The following DOCK7 variants were observed in gnomAD, a reference collection of about 807,000 sequenced individuals.
The protein encoded by DOCK7 is dedicator of cytokinesis protein 7.
DOCK7 carries 138 observed loss-of-function variants against 271.0 expected under a neutral mutation model. The ratio of observed to expected loss-of-function variants is 0.51; its 90% confidence interval spans 0.44 to 0.59. DOCK7 has a LOEUF of 0.59. Among genes scored for constraint, DOCK7 ranks in the 20% least tolerant of loss-of-function variants. DOCK7 has a pLI of 0.00. For missense variants in DOCK7, 2,066 were observed against 2,592.4 expected, an observed-to-expected ratio of 0.80 and a Z score of 4.41; for synonymous variants, 823 against 876.1, an observed-to-expected ratio of 0.94 and a Z score of 1.07.
At chr1:62,641,344 G>A in intron 7 of DOCK7, 1 of 405,708 alleles carries the variant, frequency 2.5e-6, no homozygotes, top group South Asian at 1.8e-5. Context: ...CAGGCTTCAG[G>A]CACACAACCT....
intron 36 of DOCK7, 39 bp downstream of exon 36, chr1:62,505,631 GTTAATAAAAAAA>G: frequency 6.4e-7 from 1 of 1,558,900 alleles, no homozygotes; most frequent in Non-Finnish European, 8.7e-7. Flanking sequence ...CTTAGACAAT[GTTAATAAAAAAA>G]ACAAAGTCTG....
chr1:62,485,034 T>G (rs1646252907), intron 43 of DOCK7: 1 of 533,796 alleles, frequency 1.9e-6, no homozygotes. Context: ...CTCGGGAGGC[T>G]GAGGTGGGAA....
chr1:62,553,949 A>G (rs56373325), intron 21 of DOCK7, among the ~76,000 whole-genome samples: 1 of 151,252 alleles, frequency 6.6e-6, no homozygotes, highest in Non-Finnish European at 1.5e-5. Flanking sequence ...CTTTTTTCCC[A>G]CCTCTCCTAC....
intron 1 of DOCK7, among the ~76,000 whole-genome samples, chr1:62,672,325 T>C (rs1660108002): frequency 6.6e-6 from 1 of 152,146 alleles, no homozygotes; most frequent in Non-Finnish European, 1.5e-5. Context: ...ACTAGCAACA[T>C]TTGTCAGGCA....
intron 10 of DOCK7, among the ~76,000 whole-genome samples, chr1:62,632,637 TTATCA>T (rs1654761071): frequency 6.6e-6 from 1 of 152,220 alleles, no homozygotes; most frequent in Non-Finnish European, 1.5e-5. Flanking sequence ...CTGAAATTTG[TTATCA>T]ATTATCCAAC....
chr1:62,482,492 G>A (rs1181923651), intron 43 of DOCK7: 1 of 152,282 alleles, frequency 6.6e-6, no homozygotes, highest in African/African-American at 2.4e-5. Flanking sequence ...TTACCACCAT[G>A]TCCGGCTAAT....
intron 22 of DOCK7, among the ~76,000 whole-genome samples, chr1:62,549,868 C>T (rs938660087): frequency 1.3e-5 from 2 of 152,142 alleles, no homozygotes; most frequent in Non-Finnish European, 2.9e-5. Flanking sequence ...CTCTCCATCT[C>T]CATGAGTTCA....
At chr1:62,598,692 C>T in intron 14 of DOCK7, 1 of 1,569,582 alleles carries the variant, frequency 6.4e-7, no homozygotes, top group Non-Finnish European at 8.8e-7. Context: ...CTCTCTATAT[C>T]CAGACTTTTG....
chr1:62,513,464 T>C lies in DOCK7; in HGVS notation c.4262A>G (p.Tyr1421Cys). ...CTCACCAGGAGGAGAAGCTATTGTGTACGTACCGAGCTGTCCTCGGCTTCG... is the reference window on the plus strand; with the variant it reads ...CTCACCAGGAGGAGAAGCTATTGTGCACGTACCGAGCTGTCCTCGGCTTCG... ...VRRSRGQLGT[Y>C]TIASPPERSP... Residue 1421 changes from tyrosine to cysteine, a missense_variant, in exon 33 of 50, where the codon TAC becomes TGC. By Grantham distance (194) the Tyr-to-Cys change is radical. Coordinates refer to ENST00000635253, the MANE Select transcript of DOCK7 (RefSeq NM_001367561.1). 1 of 1,608,274 alleles carries C rather than the reference T, an allele frequency of 6.2e-7. No individual in the cohort carries two copies. The highest frequency in any genetic ancestry group is 8.5e-7 in the Non-Finnish European group (1 of 1,178,546).
chr1:62,614,928 A>G (rs1184228071), intron 14 of DOCK7, among the ~76,000 whole-genome samples: 1 of 151,664 alleles, frequency 6.6e-6, no homozygotes, highest in Non-Finnish European at 1.5e-5. Context: ...CATTGACTGG[A>G]AAAAAAATGG....
chr1:62,553,338 ATATATATATATATATATTTTTTTTTT>A (rs1377901015), intron 21 of DOCK7, among the ~76,000 whole-genome samples: 8 of 5,038 alleles, frequency 1.6e-3, no homozygotes, highest in African/African-American at 3.5e-3. Flanking sequence ...ATATATATAT[ATATATATATATATATATTTTTTTTTT>A]TTTTTTTTTT....
In DOCK7 at chr1:62,580,126, G is replaced by A. The variant is rs369753338; in HGVS notation, c.1872-1160C>T. Among the ~76,000 whole-genome samples, 42 of 152,212 alleles carry A rather than the reference G, an allele frequency of 2.8e-4. No homozygotes were observed. The South Asian group carries it at 7.1e-3, about 26-fold the overall frequency. ...ATATTGCTCCAACTATCTTTAAAGC[G>A]AGGTCTGTCCCACCAATCAGGTTTT... is the stretch of plus-strand genomic sequence containing the variant. On this transcript the variant is annotated intron_variant, in intron 16 of 49. Coordinates refer to ENST00000635253, the MANE Select transcript of DOCK7 (RefSeq NM_001367561.1).
intron 8 of DOCK7, 65 bp from the exon 9 acceptor site, chr1:62,634,987 A>C (rs1655079006): frequency 1.8e-6 from 2 of 1,119,774 alleles, no homozygotes; most frequent in South Asian, 1.9e-5. Context: ...TTCTTAAAAG[A>C]AAGCTGCTTC....
chr1:62,525,146 C>G (rs1296217077), intron 31 of DOCK7, among the ~76,000 whole-genome samples: 1 of 151,024 alleles, frequency 6.6e-6, no homozygotes, highest in Non-Finnish European at 1.5e-5. Flanking sequence ...GCTGGGATTA[C>G]AGGCGCCCAC....
chr1:62,548,133 T>A (rs1231816164), intron 22 of DOCK7, among the ~76,000 whole-genome samples: 2 of 151,682 alleles, frequency 1.3e-5, no homozygotes, highest in African/African-American at 2.4e-5. Flanking sequence ...TTACACTCTG[T>A]TAAAGGGAGA....
chr1:62,619,782 G>A lies in DOCK7; in HGVS notation c.1519+118C>T, dbSNP rs541163260. The A allele has an allele frequency of 1.0e-4, 54 of 537,346 alleles. No homozygotes were observed. In the South Asian group the frequency reaches 1.6e-3, roughly 16 times the overall value. 33.3% of individuals were successfully genotyped at this position (537,346 alleles called of 1,614,324 possible). ...AAAGTGAAGAAGACTGACAGGCATT[G>A]GGCATAGAAAAATGTCTGGGCCAGA... On this transcript the variant is annotated intron_variant, in intron 13 of 49. Coordinates refer to ENST00000635253, the MANE Select transcript of DOCK7 (RefSeq NM_001367561.1).
chr1:62,605,305 G>A (rs1348305121), intron 14 of DOCK7: 1 of 152,930 alleles, frequency 6.5e-6, no homozygotes, highest in Non-Finnish European at 1.5e-5. Context: ...CACAGAGTAT[G>A]TGTAAAAATC....
In DOCK7 at chr1:62,513,788, T is replaced by C. The variant is rs1240083046; in HGVS notation, c.4047A>G (p.Thr1349=). 2 of 1,614,184 alleles carry C rather than the reference T, an allele frequency of 1.2e-6. No individual in the cohort carries two copies. The highest frequency in any genetic ancestry group is 1.7e-6 in the Non-Finnish European group (2 of 1,180,010). Reference sequence around the variant, plus strand: ...GGTTTAGCTGCAAGACTGAGAGATCTGTAAACCACTTCTGTAGAACTGTTT... The same window carrying C: ...GGTTTAGCTGCAAGACTGAGAGATCCGTAAACCACTTCTGTAGAACTGTTT... The part of the protein sequence containing the change: ...ADETVLQKWF[T]DLSVLQLNRL... Residue 1349 remains threonine (T), a synonymous_variant, in exon 32 of 50, where the codon ACA becomes ACG. Coordinates refer to ENST00000635253, the MANE Select transcript of DOCK7 (RefSeq NM_001367561.1).
At chr1:62,474,200 T>G in intron 47 of DOCK7, 112 bp from the exon 48 acceptor site, 2 of 754,076 alleles carry the variant, frequency 2.7e-6, no homozygotes, top group Non-Finnish European at 4.5e-6. Flanking sequence ...TTAAGCTTAA[T>G]GCATATATGC....
Sources: allele counts gnomAD v4.1 joint callset (sites outside exome capture counted in the v4.1 genomes callset), GRCh38; gene constraint gnomAD v4.1.1; transcripts MANE v1.5; gene names NCBI Gene and HGNC (gene_info 2026-07-23, HGNC 2026-07-21).